The following ITFG1 variants were observed in gnomAD, a reference collection of about 807,000 sequenced individuals.
ITFG1 encodes the protein T-cell immunomodulatory protein.
A neutral mutation model predicts 81.8 loss-of-function variants in ITFG1; 34 were observed. The observed-to-expected ratio is 0.42, with a 90% confidence interval of 0.32 to 0.55. ITFG1 has a LOEUF of 0.55. ITFG1 is among the 20% of genes least tolerant of loss of function. The pLI is 0.17. For missense variants in ITFG1, 672 were observed against 755.4 expected (o/e 0.89, Z 1.29); for synonymous variants, 285 against 270.6 (o/e 1.05, Z -0.52).
At chr16:47,162,452 C>T (rs1964821494) in intron 15 of ITFG1, 88 bp downstream of exon 15, 5 of 1,126,116 alleles carry the variant, frequency 4.4e-6, no homozygotes, top group Non-Finnish European at 4.9e-6. Flanking sequence ...AATTCAAATT[C>T]AATTAGGTTC....
intron 8 of ITFG1, among the ~76,000 whole-genome samples, chr16:47,362,763 T>C (rs1005717815): frequency 6.6e-6 from 1 of 152,242 alleles, no homozygotes; most frequent in Non-Finnish European, 1.5e-5. Context: ...ATTAATTTCA[T>C]AATCAACAAT....
intron 6 of ITFG1, among the ~76,000 whole-genome samples, chr16:47,421,064 T>C (rs1968940058): frequency 1.3e-5 from 2 of 152,102 alleles, no homozygotes; most frequent in South Asian, 2.1e-4. Context: ...GTATAAGAAC[T>C]CTTGCTCATT....
chr16:47,458,963 C>G, intron 2 of ITFG1, 140 bp downstream of exon 2: 1 of 547,160 alleles, frequency 1.8e-6, no homozygotes, highest in East Asian at 3.0e-5. Context: ...TCCAAAAAAT[C>G]ACTTGCTACT....
chr16:47,244,589 TTTTGTGTGTGTGTGTGTGTG>T (rs1965975088), intron 12 of ITFG1, among the ~76,000 whole-genome samples: 2 of 140,788 alleles, frequency 1.4e-5, no homozygotes, highest in African/African-American at 5.3e-5. Context: ...GTATTCCATC[TTTTGTGTGTGTGTGTGTGTG>T]TGTGTGTGTG....
chr16:47,363,341 G>A (rs1968133707), intron 8 of ITFG1, among the ~76,000 whole-genome samples: 1 of 152,012 alleles, frequency 6.6e-6, no homozygotes, highest in South Asian at 2.1e-4. Flanking sequence ...AAGACCCTGT[G>A]AAACTACACA....
chr16:47,318,560 T>C (rs192005446), intron 8 of ITFG1, among the ~76,000 whole-genome samples: 3 of 152,140 alleles, frequency 2.0e-5, no homozygotes, highest in Non-Finnish European at 2.9e-5. Flanking sequence ...TTACGCTCCA[T>C]AGAAGAATAG....
At chr16:47,335,955 A>C (rs1424581513) in intron 8 of ITFG1, among the ~76,000 whole-genome samples, 19 of 152,242 alleles carry the variant, frequency 1.2e-4, no homozygotes, top group Admixed American at 1.2e-3. Flanking sequence ...AACTGGAAAT[A>C]ATCTAAAGTC....
rs188920932 is a variant in ITFG1, at chr16:47,201,232, G to A, written c.1453+17636C>T. Among the ~76,000 whole-genome samples, 484 of 146,654 alleles carry A rather than the reference G, an allele frequency of 3.3e-3. 3 individuals are homozygous for A. The highest frequency in any genetic ancestry group is 3.5e-3 in the Non-Finnish European group (234 of 66,926). ...ATTTTTTTTTTTTTTTTTTTGAGAC[G>A]GAGTCTCGCTCTGTTGCCCAGGCTG... On this transcript the variant is annotated intron_variant, in intron 14 of 17. Transcript: ENST00000320640.
chr16:47,461,074 C>G (rs760280189), upstream of ITFG1: 786 of 1,498,870 alleles, frequency 5.2e-4, 1 homozygote, highest in Non-Finnish European at 5.1e-4. Flanking sequence ...GCCCGCCGGC[C>G]CAACGCCGCG....
intron 6 of ITFG1, among the ~76,000 whole-genome samples, chr16:47,377,222 C>T (rs1238045511): frequency 6.6e-6 from 1 of 152,160 alleles, no homozygotes; most frequent in East Asian, 1.9e-4. Context: ...CAAAACTCCT[C>T]ATTCCAAGTG....
chr16:47,324,447 G>C (rs1394440393), intron 8 of ITFG1, among the ~76,000 whole-genome samples: 1 of 152,138 alleles, frequency 6.6e-6, no homozygotes, highest in African/African-American at 2.4e-5. Context: ...AAAATAGCCA[G>C]CTAACATCAT....
chr16:47,168,928 T>C (rs557953700), intron 14 of ITFG1, among the ~76,000 whole-genome samples: 1 of 151,376 alleles, frequency 6.6e-6, no homozygotes, highest in Non-Finnish European at 1.5e-5. Flanking sequence ...TCCCACTTCA[T>C]TTTTTTTTAC....
chr16:47,306,411 T>C (rs1967159617), intron 10 of ITFG1, among the ~76,000 whole-genome samples: 3 of 151,858 alleles, frequency 2.0e-5, no homozygotes, highest in African/African-American at 4.8e-5. Context: ...TAGACTAAAA[T>C]CCAAAAAACC....
chr16:47,302,396 C>A (rs1967090585), intron 10 of ITFG1, among the ~76,000 whole-genome samples: 1 of 150,520 alleles, frequency 6.6e-6, no homozygotes. Flanking sequence ...TTTTTTTTAG[C>A]AATGTTAATG....
chr16:47,371,413 T>C (rs1432255856), intron 7 of ITFG1, among the ~76,000 whole-genome samples: 5 of 152,192 alleles, frequency 3.3e-5, no homozygotes, highest in African/African-American at 9.7e-5. Flanking sequence ...TTACTACTGC[T>C]ACCACAACTA....
At chr16:47,162,172 A>C (rs1186557357) in intron 15 of ITFG1, among the ~76,000 whole-genome samples, 1 of 151,970 alleles carries the variant, frequency 6.6e-6, no homozygotes, top group Non-Finnish European at 1.5e-5. Flanking sequence ...AAAGCAAGTA[A>C]AATAATATGA....
chr16:47,359,460 A>G (rs1401116128), intron 8 of ITFG1, among the ~76,000 whole-genome samples: 1 of 152,118 alleles, frequency 6.6e-6, no homozygotes, highest in Non-Finnish European at 1.5e-5. Context: ...CTTCCCCTCA[A>G]CATCTAATCC....
At chr16:47,213,281 T>C (rs1965586377) in intron 14 of ITFG1, among the ~76,000 whole-genome samples, 1 of 152,234 alleles carries the variant, frequency 6.6e-6, no homozygotes, top group Admixed American at 6.5e-5. Flanking sequence ...ATGGTTTCAC[T>C]TGTTTAAATT....
chr16:47,198,532 G>C (rs1596802567), intron 14 of ITFG1, among the ~76,000 whole-genome samples: 1 of 152,300 alleles, frequency 6.6e-6, no homozygotes, highest in East Asian at 1.9e-4. Flanking sequence ...TTAGTATACT[G>C]TACTTTTAAT....
Sources: allele counts gnomAD v4.1 joint callset (sites outside exome capture counted in the v4.1 genomes callset), GRCh38; gene constraint gnomAD v4.1.1; transcripts MANE v1.5; gene names NCBI Gene and HGNC (gene_info 2026-07-23, HGNC 2026-07-21).